Variants in LRMDA observed in about 807,000 individuals in gnomAD.
LRMDA encodes leucine-rich melanocyte differentiation-associated protein.
LRMDA carries 18 observed loss-of-function variants against 29.8 expected under a neutral mutation model. The observed-to-expected ratio is 0.60, with a 90% confidence interval of 0.42 to 0.90. The LOEUF (loss-of-function observed/expected upper bound fraction) is 0.90, where lower values mean the gene tolerates loss of function less well. Ranked by LOEUF, LRMDA falls within the 40% of genes least tolerant of loss-of-function variation. The probability of loss-of-function intolerance (pLI) is 0.00; values close to 1 mark genes in which losing one functional copy is unlikely to be tolerated. For missense variants in LRMDA, 273 were observed against 273.9 expected, an observed-to-expected ratio of 1.00 and a Z score of 0.02; for synonymous variants, 125 against 109.4, an observed-to-expected ratio of 1.14 and a Z score of -0.89.
intron 2 of LRMDA, among the ~76,000 whole-genome samples, chr10:75,506,216 G>A (rs1230481856): frequency 6.6e-6 from 1 of 152,120 alleles, no homozygotes; most frequent in Non-Finnish European, 1.5e-5. Context: ...TAGACTCTCA[G>A]GATAAGATGG....
At chr10:75,445,450 A>G (rs1174769584) in intron 2 of LRMDA, among the ~76,000 whole-genome samples, 5 of 152,198 alleles carry the variant, frequency 3.3e-5, no homozygotes, top group Non-Finnish European at 7.3e-5. Flanking sequence ...CCCTCTGGAG[A>G]GGTGATACCA....
chr10:76,439,782 G>A (rs980969569), intron 6 of LRMDA, among the ~76,000 whole-genome samples: 9 of 152,206 alleles, frequency 5.9e-5, no homozygotes, highest in Admixed American at 2.6e-4. Context: ...AAATGCAGGC[G>A]TATGGGTGGG....
intron 2 of LRMDA, among the ~76,000 whole-genome samples, chr10:75,675,912 A>G (rs566941988): frequency 6.6e-6 from 1 of 152,220 alleles, no homozygotes; most frequent in Admixed American, 6.5e-5. Context: ...TCTAATTCTC[A>G]ATGTATGGCC....
At chr10:75,923,736 C>T (rs1372959681) in intron 2 of LRMDA, among the ~76,000 whole-genome samples, 1 of 152,116 alleles carries the variant, frequency 6.6e-6, no homozygotes, top group Admixed American at 6.5e-5. Context: ...TTTAAAGACT[C>T]CTTTTAAGGT....
chr10:75,756,816 A>G (rs1057389170), intron 2 of LRMDA, among the ~76,000 whole-genome samples: 87 of 152,320 alleles, frequency 5.7e-4, no homozygotes, highest in African/African-American at 2.1e-3. Context: ...CCTGGATTCC[A>G]ACTTTGGTTC....
chr10:75,747,885 T>A (rs1029715969), intron 2 of LRMDA, among the ~76,000 whole-genome samples: 3 of 152,178 alleles, frequency 2.0e-5, no homozygotes, highest in Admixed American at 1.3e-4. Context: ...TCAATTTTTT[T>A]AATAAAGTAA....
intron 2 of LRMDA, among the ~76,000 whole-genome samples, chr10:75,591,890 T>G (rs1840728146): frequency 6.6e-6 from 1 of 151,992 alleles, no homozygotes; most frequent in Admixed American, 6.6e-5. Context: ...AACGTATCAG[T>G]CAATTCATAA....
chr10:75,996,765 G>C (rs1469893927), intron 2 of LRMDA, among the ~76,000 whole-genome samples: 3 of 150,594 alleles, frequency 2.0e-5, no homozygotes, highest in Non-Finnish European at 4.4e-5. Flanking sequence ...CGGAGTCTCG[G>C]TCTGTCGTCC....
At chr10:75,743,489 T>C (rs1476666236) in intron 2 of LRMDA, 1 of 152,134 alleles carries the variant, frequency 6.6e-6, no homozygotes, top group Non-Finnish European at 1.5e-5. Context: ...AAATCTGCAG[T>C]ATTTGAAGTT....
intron 2 of LRMDA, among the ~76,000 whole-genome samples, chr10:76,017,714 C>A (rs574737152): frequency 6.6e-6 from 1 of 152,250 alleles, no homozygotes; most frequent in South Asian, 2.1e-4. Context: ...AAATGACTTC[C>A]TACACTCAGG....
At chr10:76,025,513 G>A (rs1351100777) in intron 2 of LRMDA, among the ~76,000 whole-genome samples, 1 of 151,808 alleles carries the variant, frequency 6.6e-6, no homozygotes, top group African/African-American at 2.4e-5. Context: ...CTCCTTCATA[G>A]ATGGTAAGAG....
chr10:75,994,081 A>T (rs75608251), intron 2 of LRMDA, among the ~76,000 whole-genome samples: 4 of 152,322 alleles, frequency 2.6e-5, no homozygotes, highest in African/African-American at 9.6e-5. Context: ...TCTGTCATGA[A>T]CAGTTCTCCA....
chr10:75,467,956 T>TCACACACACA (rs61295526), intron 2 of LRMDA, among the ~76,000 whole-genome samples: 1,619 of 130,016 alleles, frequency 0.012, 14 homozygotes, highest in African/African-American at 0.02. Context: ...TGAGACTCCG[T>TCACACACACA]CACACACACA....
At chr10:76,481,454 A>T (rs1374314556) in intron 6 of LRMDA, among the ~76,000 whole-genome samples, 5 of 151,916 alleles carry the variant, frequency 3.3e-5, no homozygotes, top group Non-Finnish European at 7.4e-5. Flanking sequence ...TTGGAGCTGC[A>T]TACTGTTTAT....
At chr10:75,921,919 C>T (rs1846029911) in intron 2 of LRMDA, among the ~76,000 whole-genome samples, 2 of 152,172 alleles carry the variant, frequency 1.3e-5, no homozygotes, top group Non-Finnish European at 2.9e-5. Flanking sequence ...GTCATCTGGA[C>T]TTATTAATGT....
chr10:75,534,763 G>GT (rs1360755639), intron 2 of LRMDA, among the ~76,000 whole-genome samples: 1 of 152,154 alleles, frequency 6.6e-6, no homozygotes, highest in African/African-American at 2.4e-5. Context: ...TCAAGCTTGA[G>GT]TTTTTTGAAG....
chr10:75,481,532 T>A (rs950358150), intron 2 of LRMDA, among the ~76,000 whole-genome samples: 2 of 152,196 alleles, frequency 1.3e-5, no homozygotes, highest in African/African-American at 4.8e-5. Context: ...GTTCTCTTCA[T>A]CTTCATCAAC....
intron 2 of LRMDA, among the ~76,000 whole-genome samples, chr10:76,020,791 C>G (rs183345943): frequency 2.0e-5 from 3 of 152,362 alleles, no homozygotes; most frequent in African/African-American, 7.2e-5. Context: ...AGAATATAGA[C>G]TATGGTGGAC....
chr10:76,522,417 C>T (rs901559150), intron 6 of LRMDA, among the ~76,000 whole-genome samples: 4 of 152,106 alleles, frequency 2.6e-5, no homozygotes, highest in Non-Finnish European at 5.9e-5. Flanking sequence ...AGTTCTAGAA[C>T]GGTGCCAGGG....
Sources: gnomAD v4.1 joint callset for allele counts (sites outside exome capture counted in the v4.1 genomes callset) on GRCh38, gnomAD v4.1.1 for gene constraint, MANE v1.5 for transcripts, NCBI Gene and HGNC (gene_info 2026-07-23, HGNC 2026-07-21) for gene names.